The following DCC variants were observed in gnomAD, a reference collection of about 807,000 sequenced individuals.
The protein encoded by DCC is DCC netrin 1 receptor.
In DCC, 58 loss-of-function variants were observed where a neutral mutation model predicts 172.5. The observed-to-expected ratio is 0.34, with a 90% CI of 0.27 to 0.42. The LOEUF is 0.42. Ranked by LOEUF, DCC falls within the 10% of genes least tolerant of loss-of-function variation. The pLI is 1.00. For synonymous variants in DCC, 709 were observed against 644.5 expected (o/e 1.10, Z -1.52); for missense variants, 1,740 against 1,791.0 (o/e 0.97, Z 0.51).
intron 7 of DCC, among the ~76,000 whole-genome samples, chr18:53,132,817 A>ACCCATTTAT (rs1428215763): frequency 3.3e-5 from 5 of 152,164 alleles, no homozygotes; most frequent in African/African-American, 1.2e-4. Flanking sequence ...TTTATGGAGA[A>ACCCATTTAT]GGACCCATCA....
At chr18:53,423,090 A>G (rs1910723559) in intron 21 of DCC, among the ~76,000 whole-genome samples, 1 of 152,186 alleles carries the variant, frequency 6.6e-6, no homozygotes, top group Non-Finnish European at 1.5e-5. Context: ...TTTAATAGGT[A>G]ACTCTGAAGG....
rs551447780 is a variant in DCC, at chr18:52,806,913, G to T, written c.412+54539G>T. The stretch of plus-strand genomic sequence containing the variant: ...CTGTTTCCTAAAGATATGCAGAGTT[G>T]GTTAGGTGCAGTGGCTCACGCCTGT... On this transcript the variant is annotated intron_variant, in intron 2 of 28. Coordinates refer to ENST00000442544, the MANE Select transcript of DCC (RefSeq NM_005215.4). 2.6e-5 allele frequency among the ~76,000 whole-genome samples: 4 copies of T among 152,302 alleles called. No homozygotes were observed. In the South Asian group the frequency reaches 8.3e-4, roughly 32 times the overall value.
chr18:52,775,845 G>A (rs1273634616), intron 2 of DCC, among the ~76,000 whole-genome samples: 1 of 152,184 alleles, frequency 6.6e-6, no homozygotes, highest in African/African-American at 2.4e-5. Flanking sequence ...GTGAAAGTAG[G>A]AGTGCTCATG....
At chr18:52,658,716 A>C (rs1319605211) in intron 1 of DCC, among the ~76,000 whole-genome samples, 3 of 152,142 alleles carry the variant, frequency 2.0e-5, no homozygotes, top group African/African-American at 7.2e-5. Flanking sequence ...GTGTGTACAA[A>C]TGTTACAGCT....
chr18:53,424,705 G>A (rs2145085375), intron 21 of DCC, among the ~76,000 whole-genome samples: 1 of 152,282 alleles, frequency 6.6e-6, no homozygotes, highest in East Asian at 1.9e-4. Flanking sequence ...AAGCCAAGAT[G>A]CTGGGAAAAT....
intron 5 of DCC, among the ~76,000 whole-genome samples, chr18:52,957,108 A>T (rs182473482): frequency 6.6e-6 from 1 of 152,306 alleles, no homozygotes; most frequent in East Asian, 1.9e-4. Context: ...CAAATGGTGA[A>T]GATATGTGAA....
At chr18:52,955,452 G>A (rs750873880) in intron 5 of DCC, among the ~76,000 whole-genome samples, 1 of 151,566 alleles carries the variant, frequency 6.6e-6, no homozygotes, top group African/African-American at 2.4e-5. Context: ...TTTACCTATC[G>A]AGGGGCATCT....
chr18:52,831,097 G>A (rs948333035), intron 2 of DCC, among the ~76,000 whole-genome samples: 10 of 152,106 alleles, frequency 6.6e-5, no homozygotes, highest in African/African-American at 9.7e-5. Flanking sequence ...GTTATCCACG[G>A]AGATTTCTTG....
At chr18:53,091,849 ATCAATCTATC>A (rs1389509673) in intron 7 of DCC, among the ~76,000 whole-genome samples, 997 of 52,526 alleles carry the variant, frequency 0.019, 13 homozygotes, top group African/African-American at 0.093. Flanking sequence ...CTATCTATCT[ATCAATCTATC>A]TATATATATA....
intron 3 of DCC, among the ~76,000 whole-genome samples, chr18:52,910,435 T>C (rs117442958): frequency 0.042 from 6,333 of 152,280 alleles, 182 homozygotes; most frequent in Non-Finnish European, 0.062. Context: ...TTAAGACAAA[T>C]TGAATTTTTG....
chr18:53,202,218 G>C (rs1053263104), intron 9 of DCC, among the ~76,000 whole-genome samples: 1 of 152,110 alleles, frequency 6.6e-6, no homozygotes, highest in African/African-American at 2.4e-5. Flanking sequence ...GCAAGATCAA[G>C]ATGAGCCTGG....
At chr18:52,937,787 AC>A (rs2040402524) in intron 5 of DCC, among the ~76,000 whole-genome samples, 1 of 151,992 alleles carries the variant, frequency 6.6e-6, no homozygotes, top group Non-Finnish European at 1.5e-5. Context: ...AGCCAATGTG[AC>A]TTTTGTCTTA....
intron 2 of DCC, among the ~76,000 whole-genome samples, chr18:52,833,406 A>C (rs2038650902): frequency 6.6e-6 from 1 of 152,130 alleles, no homozygotes; most frequent in Admixed American, 6.5e-5. Flanking sequence ...ACAAATGACC[A>C]CTGGGATGAG....
At chr18:53,406,809 A>G (rs1213876230) in intron 19 of DCC, among the ~76,000 whole-genome samples, 2 of 152,098 alleles carry the variant, frequency 1.3e-5, no homozygotes, top group South Asian at 2.1e-4. Flanking sequence ...AGAAATTTAT[A>G]AGGTAAGCTT....
chr18:52,664,498 C>T (rs1472063775), intron 1 of DCC, among the ~76,000 whole-genome samples: 2 of 116,834 alleles, frequency 1.7e-5, no homozygotes, highest in African/African-American at 6.5e-5. Flanking sequence ...TTTTTGAGAC[C>T]GAGGCTCTGT....
intron 27 of DCC, among the ~76,000 whole-genome samples, chr18:53,508,318 G>A (rs1027475854): frequency 8.0e-4 from 121 of 151,894 alleles, no homozygotes; most frequent in African/African-American, 2.7e-3. Context: ...TCAGCTTCCC[G>A]AGTAACTGGG....
chr18:52,934,616 A>G (rs1391987304), intron 5 of DCC, among the ~76,000 whole-genome samples: 3 of 152,156 alleles, frequency 2.0e-5, no homozygotes, highest in African/African-American at 7.2e-5. Context: ...GACCACTGCA[A>G]TGGACAGAAT....
At chr18:53,453,386 A>G (rs146954608) in intron 23 of DCC, among the ~76,000 whole-genome samples, 1 of 152,328 alleles carries the variant, frequency 6.6e-6, no homozygotes, top group African/African-American at 2.4e-5. Flanking sequence ...CTTTAATGTA[A>G]TTAATAAGTT....
intron 5 of DCC, among the ~76,000 whole-genome samples, chr18:53,037,169 A>G (rs1409635518): frequency 6.6e-6 from 1 of 151,926 alleles, no homozygotes; most frequent in Non-Finnish European, 1.5e-5. Flanking sequence ...TCCCACAGCT[A>G]GAGATTAAAC....
Sources: allele counts gnomAD v4.1 joint callset (sites outside exome capture counted in the v4.1 genomes callset), GRCh38; gene constraint gnomAD v4.1.1; transcripts MANE v1.5; gene names NCBI Gene and HGNC (gene_info 2026-07-23, HGNC 2026-07-21).